PNMA6E: variants seen among roughly 807,000 people sequenced by gnomAD.
PNMA6E encodes the protein paraneoplastic antigen Ma6E.
For missense variants in PNMA6E, 78 were observed against 50.8 expected, an observed-to-expected ratio of 1.53 and a Z score of -1.63; for synonymous variants, 43 against 17.1, an observed-to-expected ratio of 2.52 and a Z score of -3.74.
Position 153,398,794 on chromosome X carries a change from C to T in PNMA6E, c.56G>A (p.Arg19His), listed in dbSNP as rs1236567686. The change falls in exon 2 of 2, where the codon CGC (arginine) becomes CAC (histidine). Residue 19 changes from arginine to histidine, a missense_variant. Transcript: ENST00000445091. The part of the protein sequence containing the change: ...WCRWMGANAE[R>H]SLLILGIPDD... ...AGGGATACCCAGGATGAGCAGGGAG[C>T]GCTCTGCGTTCGCACCCATCCACCT... The T allele has an allele frequency of 2.0e-5, 6 of 301,874 alleles. No homozygotes were observed. Among genetic ancestry groups the T allele is most frequent in the East Asian group, 4.7e-5 (1 of 21,164 alleles). 24.9% of individuals were successfully genotyped at this position (301,874 alleles called of 1,213,427 possible). A position where few individuals can be genotyped will look rare whatever the true frequency, so the allele number is the denominator to read the frequency against.
chrX:153,404,429 C>G (rs2088867709), upstream of PNMA6E, among the ~76,000 whole-genome samples: 1 of 111,066 alleles, frequency 9.0e-6, no homozygotes, highest in Non-Finnish European at 1.9e-5. Flanking sequence ...ATAATGAGTT[C>G]TAGTAGCTTT....
In PNMA6E at chrX:153,398,489, C is replaced by A. The variant is rs782312801; in HGVS notation, c.361G>T (p.Ala121Ser). The change falls in exon 2 of 2, where the codon GCA (alanine) becomes TCA (serine). Residue 121 changes from alanine to serine, a missense_variant. Transcript: ENST00000445091. ...QPQGQAVAKA[A>S]GEGGGAGEAG... ...TCACCTGCGCCTCCTCCCTCACCTGCAGCTTTTGCTACTGCTTGACCCTGG... is the reference window on the plus strand; with the variant it reads ...TCACCTGCGCCTCCTCCCTCACCTGAAGCTTTTGCTACTGCTTGACCCTGG... The A allele has an allele frequency of 1.1e-4, 44 of 413,903 alleles. No individual in the cohort carries two copies. The highest frequency in any genetic ancestry group is 1.0e-3 in the African/African-American group (42 of 40,017). The allele number at this position is 413,903 out of a possible 1,213,427, so 34.1% of individuals were successfully genotyped here.
the PNMA6E span, among the ~76,000 whole-genome samples, chrX:153,409,376 G>T: frequency 2.7e-5 from 3 of 113,090 alleles, no homozygotes; most frequent in Non-Finnish European, 5.6e-5. Context: ...CCTCTCTCAG[G>T]AGGCCCCAGG....
At chrX:153,404,197 C>T (rs2088866831), upstream of PNMA6E, 1 of 108,533 alleles carries the variant, frequency 9.2e-6, no homozygotes, top group African/African-American at 3.4e-5. Flanking sequence ...CCAGGCTGGC[C>T]TCAAACTCCT....
In PNMA6E at chrX:153,396,703, G is replaced by A. The variant is rs1014925658; in HGVS notation, c.*203C>T. The A allele has an allele frequency of 1.1e-5, 3 of 273,931 alleles. No individual in the cohort carries two copies. Among genetic ancestry groups the A allele is most frequent in the Non-Finnish European group, 1.9e-5 (3 of 156,084 alleles). 22.6% of individuals were successfully genotyped at this position (273,931 alleles called of 1,213,427 possible). A position where few individuals can be genotyped will look rare whatever the true frequency, so the allele number is the denominator to read the frequency against. Reference sequence around the variant, plus strand: ...TGTGCTGGGTGCAAGGGAGCGGGGGGGCGCCTCTCCCCACCCCATTTTGTA... The same window carrying A: ...TGTGCTGGGTGCAAGGGAGCGGGGGAGCGCCTCTCCCCACCCCATTTTGTA... On this transcript the variant is annotated 3_prime_UTR_variant, in exon 2 of 2. Coordinates refer to ENST00000445091, the MANE Select transcript of PNMA6E (RefSeq NM_001367770.1).
At chrX:153,400,148 G>A (rs1160804504) in intron 1 of PNMA6E, among the ~76,000 whole-genome samples, 1 of 112,493 alleles carries the variant, frequency 8.9e-6, no homozygotes, top group Non-Finnish European at 1.9e-5. Context: ...TCATGAATCC[G>A]TATTTTCTAC....
chrX:153,398,591 C>T lies in PNMA6E; in HGVS notation c.259G>A (p.Gly87Arg). The T allele has an allele frequency of 2.9e-6, 1 of 340,940 alleles. No homozygotes were observed. The highest frequency in any genetic ancestry group is 5.1e-6 in the Non-Finnish European group (1 of 196,687). The allele number at this position is 340,940 out of a possible 1,213,427, so 28.1% of individuals were successfully genotyped here. The change falls in exon 2 of 2, where the codon GGG becomes AGG. Residue 87 changes from glycine to arginine, a missense_variant. Transcript: ENST00000445091. The part of the protein sequence containing the change: ...LIPHQIPGNG[G>R]PWKVIFLPQV... ...GGCAGGAAGATCACTTTCCAGGGCC[C>T]CCCATTGCCTGGTATTTGATGGGGA...
In PNMA6E at chrX:153,396,084, C is replaced by A; in HGVS notation, c.*822G>T. 1 of 122,945 alleles carries A rather than the reference C, an allele frequency of 8.1e-6. No individual in the cohort carries two copies. The allele number at this position is 122,945 out of a possible 1,213,427, so 10.1% of individuals were successfully genotyped here. A position where few individuals can be genotyped will look rare whatever the true frequency, so the allele number is the denominator to read the frequency against. On this transcript the variant is annotated 3_prime_UTR_variant, in exon 2 of 2. Transcript: ENST00000445091. ...TGTGCCCCGGGTCCGGTTCTTCTTC[C>A]CGCAGTCAGGGTCACCATCGTGGTC...
the PNMA6E span, among the ~76,000 whole-genome samples, chrX:153,411,429 C>CCA: frequency 3.5e-4 from 39 of 112,360 alleles, no homozygotes; most frequent in Admixed American, 3.6e-3. Context: ...CCATGCCCCC[C>CCA]CCACAACGCG....
rs376731324 is a variant in PNMA6E at position 153,400,759 on chromosome X, C to T, written c.-72+485G>A. On this transcript the variant is annotated intron_variant, in intron 1 of 1. Coordinates refer to ENST00000445091, the MANE Select transcript of PNMA6E (RefSeq NM_001367770.1). ...CTGGGCCGCCCTCCGTCCCGCCCCA[C>T]GCTTGGAGCCCGCCAGCCTGCTCTC... Among the ~76,000 whole-genome samples, 130 of 108,828 alleles carry T rather than the reference C, an allele frequency of 1.2e-3. 2 individuals are homozygous for T. In the East Asian group the frequency reaches 0.032, roughly 27 times the overall value. 94.5% of individuals were successfully genotyped at this position (108,828 alleles called of 115,157 possible).
chrX:153,409,224 T>C, the PNMA6E span, among the ~76,000 whole-genome samples: 1 of 113,367 alleles, frequency 8.8e-6, no homozygotes, highest in African/African-American at 3.2e-5. Flanking sequence ...CCAGCCGGAC[T>C]GTGAGAGGGC....
upstream of PNMA6E, among the ~76,000 whole-genome samples, chrX:153,405,883 A>G (rs939181509): frequency 1.8e-5 from 2 of 111,618 alleles, no homozygotes; most frequent in African/African-American, 6.5e-5. Flanking sequence ...GTTATGTAAC[A>G]ATAGATAACT....
At chrX:153,401,017 C>T (rs1317096739) in intron 1 of PNMA6E, among the ~76,000 whole-genome samples, 5 of 110,775 alleles carry the variant, frequency 4.5e-5, no homozygotes, top group Admixed American at 9.4e-5. Context: ...TCCTTCCAAC[C>T]GCCCTCCCGA....
chrX:153,409,462 C>A, the PNMA6E span, among the ~76,000 whole-genome samples: 1 of 113,231 alleles, frequency 8.8e-6, no homozygotes, highest in East Asian at 2.8e-4. Context: ...CCCGTGTGCC[C>A]TGTCATCCTC....
chrX:153,408,119 A>C, the PNMA6E span, among the ~76,000 whole-genome samples: 7 of 112,796 alleles, frequency 6.2e-5, no homozygotes, highest in African/African-American at 2.3e-4. Flanking sequence ...TGGGAGAGTC[A>C]GTGAAGGGAG....
chrX:153,409,132 C>T, the PNMA6E span, among the ~76,000 whole-genome samples: 32 of 113,094 alleles, frequency 2.8e-4, no homozygotes, highest in East Asian at 1.1e-3. Context: ...CACTCCCCTG[C>T]CCCCCGGCTA....
chrX:153,398,989 G>C (rs892779962), intron 1 of PNMA6E, 69 bp from the exon 2 acceptor site: 2 of 293,489 alleles, frequency 6.8e-6, no homozygotes, highest in African/African-American at 5.5e-5. Context: ...GCCCCTACGT[G>C]TGTGGGGGTG....
upstream of PNMA6E, among the ~76,000 whole-genome samples, chrX:153,401,834 ATT>A (rs781957165): frequency 3.3e-4 from 23 of 69,630 alleles, no homozygotes; most frequent in African/African-American, 1.3e-3. Flanking sequence ...GCCAGGCTGG[ATT>A]TTTTTTTTTT....
rs890803620 is a variant in PNMA6E at position 153,398,603 on chromosome X, G to C, written c.247C>G (p.Pro83Ala). 5.9e-6 allele frequency: 2 copies of C among 339,153 alleles called. No individual in the cohort carries two copies. Among genetic ancestry groups the C allele is most frequent in the Non-Finnish European group, 1.0e-5 (2 of 195,723 alleles). The allele number at this position is 339,153 out of a possible 1,213,427, so 28.0% of individuals were successfully genotyped here. ...LNRSLIPHQI[P>A]GNGGPWKVIF... ...ACTTTCCAGGGCCCCCCATTGCCTG[G>C]TATTTGATGGGGAATCAAGCTTCGG... Residue 83 changes from proline to alanine, a missense_variant, in exon 2 of 2, where the codon CCA becomes GCA. Transcript: ENST00000445091.
Sources: gnomAD v4.1 joint callset for allele counts (sites outside exome capture counted in the v4.1 genomes callset) on GRCh38, gnomAD v4.1.1 for gene constraint, MANE v1.5 for transcripts, NCBI Gene and HGNC (gene_info 2026-07-23, HGNC 2026-07-21) for gene names.